LUZP2: variants seen among roughly 807,000 people sequenced by gnomAD.
LUZP2 encodes the protein leucine zipper protein 2.
A neutral mutation model predicts 51.6 loss-of-function variants in LUZP2; 52 were observed. The observed-to-expected ratio is 1.01, with a 90% confidence interval of 0.81 to 1.27. LUZP2 has a LOEUF of 1.27. LUZP2 is among the 50% of genes most tolerant of loss of function. The pLI is 0.00. For missense variants in LUZP2, 436 were observed against 395.4 expected, an observed-to-expected ratio of 1.10 and a Z score of -0.87; for synonymous variants, 154 against 137.3, an observed-to-expected ratio of 1.12 and a Z score of -0.85.
intron 1 of LUZP2, among the ~76,000 whole-genome samples, chr11:24,587,969 ACCCCTGACCAC>A (rs1484374997): frequency 3.3e-5 from 5 of 152,076 alleles, no homozygotes; most frequent in Admixed American, 3.3e-4. Context: ...AGAGATGTTC[ACCCCTGACCAC>A]CCCTATTAGT....
chr11:24,948,484 G>A (rs951358615), intron 7 of LUZP2, among the ~76,000 whole-genome samples: 1 of 151,516 alleles, frequency 6.6e-6, no homozygotes, highest in Non-Finnish European at 1.5e-5. Flanking sequence ...AATATGTATA[G>A]AGTCTGAAGA....
intron 5 of LUZP2, among the ~76,000 whole-genome samples, chr11:24,895,205 G>A (rs1852999447): frequency 6.6e-6 from 1 of 152,152 alleles, no homozygotes; most frequent in Non-Finnish European, 1.5e-5. Flanking sequence ...AGTAGGTTGA[G>A]TTACAGTGAA....
rs57668112 is a variant in LUZP2, at chr11:25,040,343, A to ATTTTTTTTTTTTTTTTTTTTTT, written c.766-9675_766-9674insTTTTTTTTTTTTTTTTTTTTTT. ...AGAGAGCCACTTTTCTTTCTTTCCG[A>ATTTTTTTTTTTTTTTTTTTTTT]TTTTTTTTTTTTTTTTTTTTGCCAA... On this transcript the variant is annotated intron_variant, in intron 9 of 11. Transcript: ENST00000336930. Among the ~76,000 whole-genome samples the ATTTTTTTTTTTTTTTTTTTTTT allele has an allele frequency of 2.1e-4, 21 of 98,824 alleles. 6 individuals are homozygous for ATTTTTTTTTTTTTTTTTTTTTT. Among genetic ancestry groups the ATTTTTTTTTTTTTTTTTTTTTT allele is most frequent in the African/African-American group, 8.1e-4 (14 of 17,198 alleles). The allele number at this position is 98,824 out of a possible 152,430, so 64.8% of individuals were successfully genotyped here.
chr11:25,020,073 C>A (rs902330283), intron 9 of LUZP2, among the ~76,000 whole-genome samples: 4 of 152,004 alleles, frequency 2.6e-5, no homozygotes, highest in African/African-American at 9.7e-5. Flanking sequence ...GATCAAGGTT[C>A]TAGAATCTTG....
intron 5 of LUZP2, among the ~76,000 whole-genome samples, chr11:24,826,000 TGTCTCTACTAA>T (rs1398340293): frequency 6.6e-6 from 1 of 151,206 alleles, no homozygotes; most frequent in African/African-American, 2.4e-5. Flanking sequence ...GGTGAAACCC[TGTCTCTACTAA>T]AAATACAAAA....
At chr11:24,974,228 C>T (rs550991904) in intron 7 of LUZP2, among the ~76,000 whole-genome samples, 1 of 151,994 alleles carries the variant, frequency 6.6e-6, no homozygotes, top group East Asian at 1.9e-4. Flanking sequence ...GGTTTAATGT[C>T]TGTTTTGTCA....
chr11:24,853,536 G>T (rs1169699329), intron 5 of LUZP2, among the ~76,000 whole-genome samples: 7 of 151,870 alleles, frequency 4.6e-5, no homozygotes, highest in Admixed American at 3.3e-4. Context: ...TTTTTTTAAG[G>T]TGCTTAGCTT....
Position 24,771,864 on chromosome 11 carries a change from G to A in LUZP2, c.396+8556G>A, listed in dbSNP as rs117537323. On this transcript the variant is annotated intron_variant, in intron 5 of 11. Transcript: ENST00000336930. ...CTCTTCTTGCCTGACCTGACACCGT[G>A]TAAGACATGACTTTGCTCCTCGTTC... Among the ~76,000 whole-genome samples the A allele has an allele frequency of 4.0e-3, 611 of 152,234 alleles. 2 individuals carry two copies. The highest frequency in any genetic ancestry group is 6.8e-3 in the Non-Finnish European group (462 of 68,012).
intron 1 of LUZP2, among the ~76,000 whole-genome samples, chr11:24,536,983 G>A (rs1362184609): frequency 2.0e-5 from 3 of 151,842 alleles, no homozygotes; most frequent in South Asian, 4.1e-4. Context: ...GGCCCAAGGA[G>A]GGGGAGAAAG....
intron 4 of LUZP2, among the ~76,000 whole-genome samples, chr11:24,753,391 G>A (rs1354888318): frequency 6.6e-6 from 1 of 152,104 alleles, no homozygotes; most frequent in East Asian, 1.9e-4. Context: ...TTTTATGGAA[G>A]CTTCATTACT....
chr11:24,538,490 A>G (rs1270729322), intron 1 of LUZP2, among the ~76,000 whole-genome samples: 2 of 151,796 alleles, frequency 1.3e-5, no homozygotes, highest in African/African-American at 4.8e-5. Context: ...TTTTCTAAAT[A>G]TTAATATACT....
At chr11:24,649,908 TAATG>T (rs1171505834) in intron 1 of LUZP2, among the ~76,000 whole-genome samples, 9 of 151,648 alleles carry the variant, frequency 5.9e-5, no homozygotes, top group African/African-American at 2.2e-4. Context: ...TTTGTAGAGT[TAATG>T]AATTATTAAA....
At chr11:24,531,501 A>G (rs1850999087) in intron 1 of LUZP2, among the ~76,000 whole-genome samples, 1 of 150,866 alleles carries the variant, frequency 6.6e-6, no homozygotes, top group Admixed American at 6.6e-5. Context: ...TAGTCACCCT[A>G]TAGTGCTATA....
intron 5 of LUZP2, chr11:24,891,191 G>A: frequency 8.1e-6 from 8 of 984,986 alleles, no homozygotes; most frequent in Non-Finnish European, 9.6e-6. Flanking sequence ...GTGAGCTAGA[G>A]TGTGATGAAG....
chr11:24,650,619 C>T (rs1268731093), intron 1 of LUZP2, among the ~76,000 whole-genome samples: 1 of 152,040 alleles, frequency 6.6e-6, no homozygotes, highest in East Asian at 1.9e-4. Context: ...TGAACACTCA[C>T]CAATGATCTC....
chr11:24,584,477 A>T (rs1385773127), intron 1 of LUZP2, among the ~76,000 whole-genome samples: 2 of 152,216 alleles, frequency 1.3e-5, no homozygotes, highest in Non-Finnish European at 2.9e-5. Context: ...GTAATTATAT[A>T]TCTGATCTAT....
At chr11:24,824,573 T>C (rs975961702) in intron 5 of LUZP2, among the ~76,000 whole-genome samples, 2 of 151,838 alleles carry the variant, frequency 1.3e-5, no homozygotes, top group African/African-American at 4.8e-5. Context: ...CTTAGTTTCA[T>C]TATGTGAACT....
chr11:24,792,509 C>T (rs1235295686), intron 5 of LUZP2, among the ~76,000 whole-genome samples: 1 of 151,864 alleles, frequency 6.6e-6, no homozygotes, highest in African/African-American at 2.4e-5. Flanking sequence ...ATGTGGAGTG[C>T]TGTGTTGGTT....
chr11:24,781,718 T>C (rs1258378450), intron 5 of LUZP2, among the ~76,000 whole-genome samples: 2 of 152,128 alleles, frequency 1.3e-5, no homozygotes, highest in African/African-American at 4.8e-5. Context: ...AAAGGAAGTT[T>C]TTTTTAATAT....
Sources: gnomAD v4.1 joint callset for allele counts (sites outside exome capture counted in the v4.1 genomes callset) on GRCh38, gnomAD v4.1.1 for gene constraint, MANE v1.5 for transcripts, NCBI Gene and HGNC (gene_info 2026-07-23, HGNC 2026-07-21) for gene names.